The following MYO3B variants were observed in gnomAD, a reference collection of about 807,000 sequenced individuals.
MYO3B encodes the protein myosin-IIIb.
MYO3B carries 156 observed loss-of-function variants against 174.6 expected under a neutral mutation model. The observed-to-expected ratio is 0.89, with a 90% CI of 0.78 to 1.02. The LOEUF (loss-of-function observed/expected upper bound fraction) is 1.02, where lower values mean the gene tolerates loss of function less well. Ranked by LOEUF, MYO3B falls within the 50% of genes least tolerant of loss-of-function variation. The probability of loss-of-function intolerance (pLI) is 0.00; values close to 1 mark genes in which losing one functional copy is unlikely to be tolerated. For synonymous variants in MYO3B, 563 were observed against 569.1 expected, an observed-to-expected ratio of 0.99 and a Z score of 0.15; for missense variants, 1,632 against 1,639.4, an observed-to-expected ratio of 1.00 and a Z score of 0.08.
intron 1 of MYO3B, among the ~76,000 whole-genome samples, chr2:170,193,743 T>C (rs1259118165): frequency 6.6e-6 from 1 of 152,146 alleles, no homozygotes; most frequent in African/African-American, 2.4e-5. Context: ...ATTTATCAAT[T>C]ATCTATTGCC....
rs1303011263 is a variant in MYO3B, at chr2:170,403,081, C to T, written c.2277+86C>T. 4 of 1,327,202 alleles carry T rather than the reference C, an allele frequency of 3.0e-6. No individual in the cohort carries two copies. The African/African-American group carries it at 4.3e-5, about 14-fold the overall frequency. The allele number at this position is 1,327,202 out of a possible 1,614,324, so 82.2% of individuals were successfully genotyped here. On this transcript the variant is annotated intron_variant, in intron 19 of 34. Transcript: ENST00000408978. Reference sequence around the variant, plus strand: ...CAATTTGTAGCAGAAACCCTGTAGACTAACAACTAAAAGACCCTAGAGAGA... The same window carrying T: ...CAATTTGTAGCAGAAACCCTGTAGATTAACAACTAAAAGACCCTAGAGAGA...
intron 7 of MYO3B, among the ~76,000 whole-genome samples, chr2:170,330,105 C>G (rs1358045082): frequency 6.6e-6 from 1 of 152,160 alleles, no homozygotes; most frequent in African/African-American, 2.4e-5. Context: ...ACCCTCCTCC[C>G]CTAGTTAGCT....
intron 30 of MYO3B, among the ~76,000 whole-genome samples, chr2:170,522,404 A>G (rs1038335433): frequency 6.6e-6 from 1 of 151,856 alleles, no homozygotes; most frequent in Non-Finnish European, 1.5e-5. Context: ...CTTGACCCCT[A>G]CCTCTCACTT....
Position 170,383,126 on chromosome 2 carries a change from A to C in MYO3B, c.1122A>C (p.Thr374=), listed in dbSNP as rs200668192. The C allele has an allele frequency of 8.8e-5, 142 of 1,613,428 alleles. No individual in the cohort carries two copies. In the Middle Eastern group the frequency reaches 1.2e-3, roughly 13 times the overall value. ...GTTATGCAGACTTGCTAATTTACAC[A>C]TATGTTGGAGACATCTTAATTGCCT... ...QKRYADLLIY[T]YVGDILIALN... Residue 374 remains threonine, a synonymous_variant, in exon 11 of 35, where the codon ACA becomes ACC. Transcript: ENST00000408978.
chr2:170,430,564 G>A (rs2094701008), intron 22 of MYO3B, among the ~76,000 whole-genome samples: 1 of 151,974 alleles, frequency 6.6e-6, no homozygotes, highest in South Asian at 2.1e-4. Context: ...TACAGATGGG[G>A]TTTTACTGTG....
intron 1 of MYO3B, among the ~76,000 whole-genome samples, chr2:170,191,067 G>A (rs2092534646): frequency 6.6e-6 from 1 of 151,938 alleles, no homozygotes; most frequent in Admixed American, 6.6e-5. Context: ...GATGAATCCT[G>A]TCAGGACTGG....
chr2:170,327,231 A>G (rs554149936), intron 7 of MYO3B, among the ~76,000 whole-genome samples: 2 of 152,172 alleles, frequency 1.3e-5, no homozygotes, highest in South Asian at 2.1e-4. Flanking sequence ...CTAAAAATAC[A>G]AAAATTAGCT....
chr2:170,501,855 T>A lies in MYO3B; in HGVS notation c.3360T>A (p.His1120Gln), dbSNP rs754564537. 1.2e-6 allele frequency: 2 copies of A among 1,608,574 alleles called. No individual in the cohort carries two copies. Among genetic ancestry groups the A allele is most frequent in the South Asian group, 2.2e-5 (2 of 90,854 alleles). The change falls in exon 28 of 35, where the codon CAT becomes CAA. Residue 1120 changes from histidine (H) to glutamine (Q), a missense_variant. Transcript: ENST00000408978. ...ACAGAAGGAATGAGTCTGCTGCTCATAATCAAGCAGGTAATTAAAACATCA... is the reference window on the plus strand; with the variant it reads ...ACAGAAGGAATGAGTCTGCTGCTCAAAATCAAGCAGGTAATTAAAACATCA... Reference protein sequence around the residue: ...ISNRRNESAAHNQAGDTSNQS... With the variant: ...ISNRRNESAAQNQAGDTSNQS...
chr2:170,618,393 G>A (rs1695605514), intron 32 of MYO3B, among the ~76,000 whole-genome samples: 1 of 152,208 alleles, frequency 6.6e-6, no homozygotes, highest in South Asian at 2.1e-4. Context: ...CTGGAGACAA[G>A]TTGTTCAGGA....
intron 32 of MYO3B, among the ~76,000 whole-genome samples, chr2:170,547,976 A>G (rs533494924): frequency 5.9e-5 from 9 of 151,928 alleles, no homozygotes; most frequent in Admixed American, 3.3e-4. Context: ...GCGTGGTGGC[A>G]GGCGCCTGTA....
chr2:170,320,817 C>T (rs1421979785), intron 7 of MYO3B, among the ~76,000 whole-genome samples: 1 of 151,792 alleles, frequency 6.6e-6, no homozygotes, highest in East Asian at 1.9e-4. Flanking sequence ...ACATAGAAAA[C>T]AAAAAGTCCT....
At chr2:170,629,360 T>A (rs947328242) in intron 32 of MYO3B, among the ~76,000 whole-genome samples, 3 of 152,210 alleles carry the variant, frequency 2.0e-5, no homozygotes, top group African/African-American at 7.2e-5. Flanking sequence ...TACAGAGTCT[T>A]AGATCTTCCC....
At chr2:170,531,775 A>T (rs959826559) in intron 30 of MYO3B, among the ~76,000 whole-genome samples, 1 of 152,042 alleles carries the variant, frequency 6.6e-6, no homozygotes, top group East Asian at 1.9e-4. Context: ...TCATGAGTCC[A>T]TGTGGATGGA....
chr2:170,402,949 A>C lies in MYO3B; in HGVS notation c.2231A>C (p.Glu744Ala). ...CAGCTCTGCATAAACATCGCCAATG[A>C]GCAAATCCAGTACTATTTCAATCAG... ...FEQLCINIANEQIQYYFNQHV... is the reference protein window; with the variant it reads ...FEQLCINIANAQIQYYFNQHV... Residue 744 changes from glutamate to alanine, a missense_variant, in exon 19 of 35, where the codon GAG becomes GCG. Transcript: ENST00000408978. 4 of 1,610,658 alleles carry C rather than the reference A, an allele frequency of 2.5e-6. No homozygotes were observed. In the South Asian group the frequency reaches 4.4e-5, roughly 18 times the overall value.
At chr2:170,404,588 C>G (rs977921779) in intron 20 of MYO3B, among the ~76,000 whole-genome samples, 188 bp downstream of exon 20, 4 of 152,176 alleles carry the variant, frequency 2.6e-5, no homozygotes, top group African/African-American at 9.7e-5. Flanking sequence ...AAACCCATCG[C>G]TATTCCTAAC....
chr2:170,625,949 C>T (rs1164204260), intron 32 of MYO3B, among the ~76,000 whole-genome samples: 2 of 152,044 alleles, frequency 1.3e-5, no homozygotes, highest in African/African-American at 4.8e-5. Context: ...TCTTTTACCT[C>T]TGCTGAGGAG....
intron 25 of MYO3B, among the ~76,000 whole-genome samples, chr2:170,497,143 T>C (rs894969301): frequency 1.3e-5 from 2 of 152,208 alleles, no homozygotes; most frequent in Non-Finnish European, 2.9e-5. Context: ...TGAAAGGTAC[T>C]CTTCCTATAC....
Position 170,379,261 on chromosome 2 carries a change from C to T in MYO3B, c.972-2755C>T, listed in dbSNP as rs992791231. 3.4e-5 allele frequency among the ~76,000 whole-genome samples: 5 copies of T among 145,676 alleles called. No homozygotes were observed. The Admixed American group carries it at 3.5e-4, about 10-fold the overall frequency. On this transcript the variant is annotated intron_variant, in intron 9 of 34. Coordinates refer to ENST00000408978, the MANE Select transcript of MYO3B (RefSeq NM_138995.5). ...CCAGGTTGGCATGCAGTGGCTTGAT[C>T]TCGGCTCACTGCAACCTCTGCCTCC...
intron 32 of MYO3B, among the ~76,000 whole-genome samples, chr2:170,580,159 G>A (rs1173077007): frequency 6.6e-6 from 1 of 152,136 alleles, no homozygotes; most frequent in East Asian, 1.9e-4. Context: ...ATCAAGGTAT[G>A]TCTAATAGTA....
Sources: gnomAD v4.1 joint callset for allele counts (sites outside exome capture counted in the v4.1 genomes callset) on GRCh38, gnomAD v4.1.1 for gene constraint, MANE v1.5 for transcripts, NCBI Gene and HGNC (gene_info 2026-07-23, HGNC 2026-07-21) for gene names.